Variants in HYCC2 observed in about 807,000 individuals in gnomAD.
HYCC2 encodes hyccin PI4KA lipid kinase complex subunit 2, also known as hyccin 2.
At chr2:201,063,670 AG>A in the HYCC2 span, 1 of 1,575,328 alleles carries the variant, frequency 6.3e-7, no homozygotes, top group Non-Finnish European at 8.6e-7. Flanking sequence ...CTAGCCAAAG[AG>A]GTCGAAGTGG....
chr2:200,976,615 T>A, the HYCC2 span: 1 of 152,162 alleles, frequency 6.6e-6, no homozygotes, highest in Non-Finnish European at 1.5e-5. Context: ...CAATTTTAAT[T>A]AATTTAAAGC....
the HYCC2 span, among the ~76,000 whole-genome samples, chr2:201,051,457 C>A: frequency 2.0e-3 from 300 of 151,436 alleles, 1 homozygote; most frequent in Non-Finnish European, 3.6e-3. Flanking sequence ...CCAAGAAAAC[C>A]CAAAAGACTC....
chr2:201,016,309 G>C, the HYCC2 span, among the ~76,000 whole-genome samples: 1 of 151,958 alleles, frequency 6.6e-6, no homozygotes, highest in Non-Finnish European at 1.5e-5. Context: ...CTTTTTTTGA[G>C]ACAGGGTCTT....
At chr2:201,047,266 A>C in the HYCC2 span, among the ~76,000 whole-genome samples, 1 of 152,030 alleles carries the variant, frequency 6.6e-6, no homozygotes, top group Admixed American at 6.6e-5. Context: ...AGCAGAATAC[A>C]GGATGAGTAA....
the HYCC2 span, among the ~76,000 whole-genome samples, chr2:200,986,574 CG>C: frequency 3.3e-5 from 5 of 151,412 alleles, no homozygotes; most frequent in East Asian, 1.9e-4. Flanking sequence ...GATGGGGGTT[CG>C]GGGGGGAAGG....
the HYCC2 span, among the ~76,000 whole-genome samples, chr2:201,069,600 AAC>A: frequency 7.9e-4 from 116 of 147,678 alleles, no homozygotes; most frequent in Non-Finnish European, 5.4e-4. Flanking sequence ...GCATAAAAGC[AAC>A]ACACACACAC....
chr2:201,049,123 T>TAA, the HYCC2 span, among the ~76,000 whole-genome samples: 6 of 129,236 alleles, frequency 4.6e-5, no homozygotes, highest in African/African-American at 1.4e-4. Context: ...GACTCTGTCT[T>TAA]AAAAAAAAAA....
the HYCC2 span, chr2:200,995,943 A>G: frequency 6.6e-6 from 1 of 152,196 alleles, no homozygotes; most frequent in African/African-American, 2.4e-5. Context: ...GGCTGAATTC[A>G]GAATTCCTTC....
At chr2:201,007,923 A>C in the HYCC2 span, among the ~76,000 whole-genome samples, 1 of 152,192 alleles carries the variant, frequency 6.6e-6, no homozygotes, top group Admixed American at 6.5e-5. Context: ...TGATGCCAGG[A>C]GGGTAATGTA....
chr2:200,979,452 TATA>T, the HYCC2 span: 1 of 152,150 alleles, frequency 6.6e-6, no homozygotes, highest in Non-Finnish European at 1.5e-5. Context: ...GCATCTCATA[TATA>T]AAGAGTCTAA....
At chr2:200,984,617 G>T in the HYCC2 span, among the ~76,000 whole-genome samples, 2 of 152,196 alleles carry the variant, frequency 1.3e-5, no homozygotes, top group African/African-American at 4.8e-5. Context: ...GGGTATGGTG[G>T]CTTACGCCTG....
chr2:200,997,654 G>A, the HYCC2 span: 1 of 644,354 alleles, frequency 1.6e-6, no homozygotes, highest in East Asian at 2.8e-5. Flanking sequence ...AATCAATATA[G>A]CATCTTCCTC....
At chr2:201,056,992 G>T in the HYCC2 span, among the ~76,000 whole-genome samples, 1 of 152,198 alleles carries the variant, frequency 6.6e-6, no homozygotes, top group Non-Finnish European at 1.5e-5. Context: ...CCAACAAAAT[G>T]TCTCTAAACA....
chr2:201,063,354 C>G, the HYCC2 span: 6 of 1,565,620 alleles, frequency 3.8e-6, no homozygotes, highest in African/African-American at 2.7e-5. Context: ...CCAAAGAGAG[C>G]TGTCTCGAGA....
At chr2:201,040,410 T>C in the HYCC2 span, among the ~76,000 whole-genome samples, 1 of 151,996 alleles carries the variant, frequency 6.6e-6, no homozygotes. Context: ...AATTATGTTC[T>C]TCTAAAACAA....
chr2:201,015,560 G>A, the HYCC2 span, among the ~76,000 whole-genome samples: 8 of 152,120 alleles, frequency 5.3e-5, no homozygotes, highest in East Asian at 1.5e-3. Flanking sequence ...TATAAGAAGT[G>A]GTGATTAAAT....
the HYCC2 span, chr2:201,064,116 C>G: frequency 1.5e-5 from 20 of 1,340,428 alleles, no homozygotes; most frequent in Non-Finnish European, 1.9e-5. Context: ...CAGGTTACAA[C>G]AGATTTGTGA....
the HYCC2 span, among the ~76,000 whole-genome samples, chr2:201,056,319 T>C: frequency 6.6e-6 from 1 of 152,168 alleles, no homozygotes. Flanking sequence ...AATTCATTAA[T>C]AGCTGCCAGT....
At chr2:201,052,557 G>A in the HYCC2 span, among the ~76,000 whole-genome samples, 9 of 152,286 alleles carry the variant, frequency 5.9e-5, no homozygotes, top group East Asian at 3.9e-4. Context: ...GCAGTGAGCC[G>A]TGACTGTGCC....
Sources: allele counts gnomAD v4.1 joint callset (sites outside exome capture counted in the v4.1 genomes callset), GRCh38; gene constraint gnomAD v4.1.1; transcripts MANE v1.5; gene names NCBI Gene and HGNC (gene_info 2026-07-23, HGNC 2026-07-21).